GNAI1: variants seen among roughly 807,000 people sequenced by gnomAD.
The protein encoded by GNAI1 is G protein subunit alpha i1.
Under a neutral mutation model 38.9 loss-of-function variants are expected in GNAI1, and 11 were observed. The ratio of observed to expected loss-of-function variants is 0.28; its 90% confidence interval spans 0.18 to 0.47. The LOEUF (loss-of-function observed/expected upper bound fraction) is 0.47, where lower values mean the gene tolerates loss of function less well. Among genes scored for constraint, GNAI1 ranks in the 20% least tolerant of loss-of-function variants. The pLI is 0.99. For missense variants in GNAI1, 317 were observed against 436.9 expected (o/e 0.73, Z 2.45); for synonymous variants, 166 against 145.1 (o/e 1.14, Z -1.04).
intron 3 of GNAI1, among the ~76,000 whole-genome samples, chr7:80,193,010 T>G (rs550616106): frequency 1.2e-4 from 2 of 16,640 alleles, no homozygotes; most frequent in African/African-American, 2.9e-4. Context: ...TGTTTTATTG[T>G]TTTTTTTTTT....
chr7:80,197,294 AT>A (rs1404094389), intron 3 of GNAI1, among the ~76,000 whole-genome samples: 2 of 151,684 alleles, frequency 1.3e-5, no homozygotes, highest in Non-Finnish European at 2.9e-5. Flanking sequence ...AAAAAGAAAC[AT>A]TTTTTAATGC....
chr7:80,135,765 C>G, intron 1 of GNAI1: 7 of 981,366 alleles, frequency 7.1e-6, no homozygotes, highest in Non-Finnish European at 8.4e-6. Context: ...GAAATCAGTG[C>G]ACCTTTTGTG....
intron 4 of GNAI1, among the ~76,000 whole-genome samples, chr7:80,200,468 T>C (rs954405297): frequency 1.3e-5 from 2 of 151,936 alleles, no homozygotes; most frequent in African/African-American, 4.8e-5. Context: ...TCTTAAAACC[T>C]ATGTTGTGCA....
At chr7:80,136,756 G>T (rs1198524708) in intron 1 of GNAI1, among the ~76,000 whole-genome samples, 3 of 152,154 alleles carry the variant, frequency 2.0e-5, no homozygotes, top group Admixed American at 6.6e-5. Flanking sequence ...GTGATACGTT[G>T]TTTCAGTGTA....
intron 3 of GNAI1, among the ~76,000 whole-genome samples, chr7:80,189,769 A>G (rs933122143): frequency 6.6e-6 from 1 of 152,150 alleles, no homozygotes. Context: ...GCTAGTTTCA[A>G]TTCTTTATTT....
At chr7:80,188,862 G>T in intron 1 of GNAI1, 89 bp from the exon 2 acceptor site, 5 of 798,528 alleles carry the variant, frequency 6.3e-6, no homozygotes, top group Non-Finnish European at 4.3e-6. Context: ...CTGGGTGTGT[G>T]TGTGTGTGTG....
At chr7:80,175,449 A>G (rs970977813) in intron 1 of GNAI1, among the ~76,000 whole-genome samples, 1 of 152,052 alleles carries the variant, frequency 6.6e-6, no homozygotes, top group Non-Finnish European at 1.5e-5. Flanking sequence ...CAAATCAAAC[A>G]TGGGTTAAAG....
intron 1 of GNAI1, among the ~76,000 whole-genome samples, chr7:80,178,383 G>A (rs1788229285): frequency 6.6e-6 from 1 of 152,176 alleles, no homozygotes; most frequent in South Asian, 2.1e-4. Flanking sequence ...TGCGGGTAAA[G>A]TGTTACTCAA....
intron 4 of GNAI1, among the ~76,000 whole-genome samples, chr7:80,200,354 C>CAAAAAAAAAAAAAAAA (rs1788663026): frequency 1.1e-5 from 1 of 88,880 alleles, no homozygotes; most frequent in African/African-American, 6.4e-5. Flanking sequence ...AAAACCTAAT[C>CAAAAAAAAAAAAAAAA]AGGGAGCTTT....
intron 3 of GNAI1, among the ~76,000 whole-genome samples, chr7:80,197,264 CACTT>C (rs1788594969): frequency 6.6e-6 from 1 of 150,980 alleles, no homozygotes; most frequent in South Asian, 2.1e-4. Context: ...AACATCATCT[CACTT>C]ATATGTAGAA....
At chr7:80,136,189 G>A (rs1787413322) in intron 1 of GNAI1, 2 of 282,804 alleles carry the variant, frequency 7.1e-6, no homozygotes, top group African/African-American at 4.6e-5. Context: ...GGTTTTCACT[G>A]AGGGAAGCAT....
At chr7:80,166,621 A>T (rs1788014004) in intron 1 of GNAI1, among the ~76,000 whole-genome samples, 1 of 152,154 alleles carries the variant, frequency 6.6e-6, no homozygotes, top group East Asian at 1.9e-4. Flanking sequence ...TTATATTCTA[A>T]TGTTGTTTAT....
intron 1 of GNAI1, among the ~76,000 whole-genome samples, chr7:80,170,895 CA>C (rs1287471749): frequency 6.6e-6 from 1 of 152,096 alleles, no homozygotes; most frequent in Non-Finnish European, 1.5e-5. Context: ...ATCAAAGGGA[CA>C]TAGTGTATTT....
intron 1 of GNAI1, among the ~76,000 whole-genome samples, chr7:80,180,801 A>T (rs1210522879): frequency 6.6e-6 from 1 of 152,078 alleles, no homozygotes; most frequent in Non-Finnish European, 1.5e-5. Flanking sequence ...AAAAGTCCCT[A>T]CTTTGAAGAT....
intron 1 of GNAI1, among the ~76,000 whole-genome samples, chr7:80,177,322 G>T (rs148840284): frequency 1.3e-5 from 2 of 152,028 alleles, no homozygotes; most frequent in Admixed American, 6.6e-5. Context: ...GAGCCACCGC[G>T]CCCGGCCAGC....
chr7:80,135,785 A>T (rs1174490299), intron 1 of GNAI1: 71 of 985,508 alleles, frequency 7.2e-5, no homozygotes, highest in Non-Finnish European at 8.5e-5. Context: ...GGGGCCTCTG[A>T]GATGGGGCTG....
intron 1 of GNAI1, among the ~76,000 whole-genome samples, chr7:80,177,478 A>G (rs919061587): frequency 2.0e-5 from 3 of 152,036 alleles, no homozygotes; most frequent in Non-Finnish European, 4.4e-5. Flanking sequence ...GGTACAAGGA[A>G]TTTGTTGTTG....
intron 1 of GNAI1, among the ~76,000 whole-genome samples, chr7:80,148,473 G>A (rs1177906594): frequency 6.6e-6 from 1 of 150,740 alleles, no homozygotes; most frequent in African/African-American, 2.4e-5. Context: ...ATTTTGCATT[G>A]TATTTGGGTA....
rs946220276 is a variant in GNAI1, at chr7:80,203,625, T to G, written c.462-79T>G. 8.5e-6 allele frequency: 7 copies of G among 828,346 alleles called. No homozygotes were observed. In the African/African-American group the frequency reaches 1.1e-4, roughly 13 times the overall value. 51.3% of individuals were successfully genotyped at this position (828,346 alleles called of 1,614,324 possible). ...TTTCAGATTATCGCTTGTATTGAAA[T>G]GTGTTTTAATTTTTGTTTTGGATGA... On this transcript the variant is annotated intron_variant, in intron 4 of 7. Coordinates refer to ENST00000649796, the MANE Select transcript of GNAI1 (RefSeq NM_002069.6).
Sources: allele counts gnomAD v4.1 joint callset (sites outside exome capture counted in the v4.1 genomes callset), GRCh38; gene constraint gnomAD v4.1.1; transcripts MANE v1.5; gene names NCBI Gene and HGNC (gene_info 2026-07-23, HGNC 2026-07-21).